Variants in PTBP3 observed in about 807,000 individuals in gnomAD.
PTBP3 encodes polypyrimidine tract-binding protein 3.
Under a neutral mutation model 58.7 loss-of-function variants are expected in PTBP3, and 20 were observed. The ratio of observed to expected loss-of-function variants is 0.34; its 90% CI spans 0.24 to 0.50. The LOEUF (loss-of-function observed/expected upper bound fraction) is 0.50, where lower values mean the gene tolerates loss of function less well. PTBP3 is among the 20% of genes least tolerant of loss of function. The pLI, the probability that PTBP3 is intolerant of heterozygous loss-of-function variation, is 0.98. For missense variants in PTBP3, 509 were observed against 637.2 expected, an observed-to-expected ratio of 0.80 and a Z score of 2.17; for synonymous variants, 185 against 219.8, an observed-to-expected ratio of 0.84 and a Z score of 1.40.
At chr9:112,365,544 C>T in the PTBP3 span, among the ~76,000 whole-genome samples, 13 of 152,158 alleles carry the variant, frequency 8.5e-5, no homozygotes, top group Non-Finnish European at 1.5e-4. Flanking sequence ...TCCATTAAAC[C>T]CCTTTCTTTT....
the PTBP3 span, among the ~76,000 whole-genome samples, chr9:112,353,193 G>C: frequency 2.0e-5 from 3 of 151,802 alleles, no homozygotes; most frequent in Admixed American, 6.6e-5. Flanking sequence ...GAGCCACGGC[G>C]CCCAGCTGAT....
In PTBP3 at chr9:112,271,178, T is replaced by C. The variant is rs540438274; in HGVS notation, c.205-2983A>G. Among the ~76,000 whole-genome samples, 6 of 152,302 alleles carry C rather than the reference T, an allele frequency of 3.9e-5. No individual in the cohort carries two copies. The South Asian group carries it at 1.2e-3, about 32-fold the overall frequency. Reference sequence around the variant, plus strand: ...ATTCATTAAAACATAGACATGCACATATATGTCATATTTAATTCTGAGGCA... The same window carrying C: ...ATTCATTAAAACATAGACATGCACACATATGTCATATTTAATTCTGAGGCA... On this transcript the variant is annotated intron_variant, in intron 3 of 13. Transcript: ENST00000374257.
the PTBP3 span, among the ~76,000 whole-genome samples, chr9:112,361,161 A>T: frequency 6.6e-6 from 1 of 151,984 alleles, no homozygotes. Flanking sequence ...CAGTGGTGAG[A>T]TCTTGGCTTA....
At chr9:112,261,031 T>G (rs1219556380) in intron 5 of PTBP3, among the ~76,000 whole-genome samples, 1 of 152,194 alleles carries the variant, frequency 6.6e-6, no homozygotes, top group Non-Finnish European at 1.5e-5. Flanking sequence ...AAGAACATCT[T>G]TTATAAAAGC....
At chr9:112,323,575 A>G (rs986166186) in intron 1 of PTBP3, among the ~76,000 whole-genome samples, 4 of 152,240 alleles carry the variant, frequency 2.6e-5, no homozygotes, top group Non-Finnish European at 5.9e-5. Context: ...TATACCAGAG[A>G]CATGAATGCT....
At chr9:112,375,096 A>G in the PTBP3 span, among the ~76,000 whole-genome samples, 2 of 152,160 alleles carry the variant, frequency 1.3e-5, no homozygotes, top group African/African-American at 2.4e-5. Context: ...GTGGTTGGGG[A>G]AAGAGGCTGA....
chr9:112,273,425 G>C lies in PTBP3; in HGVS notation c.204+2419C>G, dbSNP rs1220944680. Among the ~76,000 whole-genome samples, 5 of 152,112 alleles carry C rather than the reference G, an allele frequency of 3.3e-5. No homozygotes were observed. The East Asian group carries it at 9.6e-4, about 29-fold the overall frequency. On this transcript the variant is annotated intron_variant, in intron 3 of 13. Coordinates refer to ENST00000374257, the MANE Select transcript of PTBP3 (RefSeq NM_001163788.4). Reference sequence around the variant, plus strand: ...ACTGTTTTTAAATCATCTTTCAACAGACAATTTGTAAACAATAATATTCAC... The same window carrying C: ...ACTGTTTTTAAATCATCTTTCAACACACAATTTGTAAACAATAATATTCAC...
intron 2 of PTBP3, among the ~76,000 whole-genome samples, chr9:112,294,660 G>C (rs1039981784): frequency 5.3e-5 from 8 of 152,126 alleles, no homozygotes; most frequent in African/African-American, 1.7e-4. Context: ...GGAGGTTCCA[G>C]TGAATACATA....
At chr9:112,303,466 C>T (rs1379872338) in intron 1 of PTBP3, among the ~76,000 whole-genome samples, 1 of 152,220 alleles carries the variant, frequency 6.6e-6, no homozygotes, top group African/African-American at 2.4e-5. Flanking sequence ...CTTATTTGTG[C>T]CTTATACTAG....
chr9:112,293,915 T>A (rs1828555214), intron 2 of PTBP3, among the ~76,000 whole-genome samples: 1 of 152,172 alleles, frequency 6.6e-6, no homozygotes, highest in African/African-American at 2.4e-5. Context: ...TACCCAGACT[T>A]CAGAAGAACT....
At chr9:112,218,259 C>T (rs1323314647), downstream of PTBP3, 1 of 152,188 alleles carries the variant, frequency 6.6e-6, no homozygotes. Context: ...AAGACAGAGA[C>T]AGTTAATAGA....
At chr9:112,307,360 G>A (rs1829265158) in intron 1 of PTBP3, among the ~76,000 whole-genome samples, 1 of 152,054 alleles carries the variant, frequency 6.6e-6, no homozygotes, top group South Asian at 2.1e-4. Flanking sequence ...GGGCTGAGGT[G>A]GGAGGATTGA....
the PTBP3 span, among the ~76,000 whole-genome samples, chr9:112,362,055 G>A: frequency 6.6e-6 from 1 of 152,102 alleles, no homozygotes; most frequent in Non-Finnish European, 1.5e-5. Context: ...TTATCTATTT[G>A]GGGACAGGCA....
chr9:112,307,842 C>T (rs1402598256), intron 1 of PTBP3, among the ~76,000 whole-genome samples: 1 of 152,186 alleles, frequency 6.6e-6, no homozygotes, highest in Non-Finnish European at 1.5e-5. Context: ...TACTTTAAAC[C>T]AACCTTGTCC....
chr9:112,262,376 C>CA, intron 5 of PTBP3, 59 bp downstream of exon 5: 1 of 1,388,032 alleles, frequency 7.2e-7, no homozygotes, highest in African/African-American at 1.5e-5. Context: ...TATAAAACAT[C>CA]AAAAGTTTCA....
rs1836826626 is a variant in PTBP3, at chr9:112,267,009, A to T, written c.351+1040T>A. 2.0e-5 allele frequency among the ~76,000 whole-genome samples: 3 copies of T among 152,342 alleles called. No individual in the cohort carries two copies. The South Asian group carries it at 6.2e-4, about 32-fold the overall frequency. On this transcript the variant is annotated intron_variant, in intron 4 of 13. Coordinates refer to ENST00000374257, the MANE Select transcript of PTBP3 (RefSeq NM_001163788.4). ...AATAAGTTAAGGATTATATGCAGTAAATGTCGCTGTTTCAAACAATGTGGA... is the reference window on the plus strand; with the variant it reads ...AATAAGTTAAGGATTATATGCAGTATATGTCGCTGTTTCAAACAATGTGGA...
intron 7 of PTBP3, among the ~76,000 whole-genome samples, chr9:112,244,289 CAAAAAA>C (rs56052359): frequency 1.4e-4 from 5 of 36,318 alleles, no homozygotes; most frequent in African/African-American, 5.3e-4. Context: ...GACTCTGTCT[CAAAAAA>C]AAAAAAAAAA....
At chr9:112,331,702 T>C (rs1216674069) in intron 1 of PTBP3, among the ~76,000 whole-genome samples, 1 of 152,242 alleles carries the variant, frequency 6.6e-6, no homozygotes, top group Non-Finnish European at 1.5e-5. Flanking sequence ...TGAACTTACC[T>C]TCCAGTCAGT....
At chr9:112,280,688 T>C (rs1185581052) in intron 2 of PTBP3, among the ~76,000 whole-genome samples, 2 of 152,158 alleles carry the variant, frequency 1.3e-5, no homozygotes, top group Non-Finnish European at 1.5e-5. Flanking sequence ...TGTAAGCACT[T>C]TGTAGAAACC....
Sources: gnomAD v4.1 joint callset for allele counts (sites outside exome capture counted in the v4.1 genomes callset) on GRCh38, gnomAD v4.1.1 for gene constraint, MANE v1.5 for transcripts, NCBI Gene and HGNC (gene_info 2026-07-23, HGNC 2026-07-21) for gene names.